Variants in TGIF1 observed in about 807,000 individuals in gnomAD.
TGIF1 encodes TGFB induced factor homeobox 1, also known as homeobox protein TGIF1.
In TGIF1, 4 loss-of-function variants were observed where a neutral mutation model predicts 19.3. The observed-to-expected ratio is 0.21, with a 90% confidence interval of 0.10 to 0.47. The LOEUF is 0.47. Among genes scored for constraint, TGIF1 ranks in the 20% least tolerant of loss-of-function variants. The pLI is 0.98. For synonymous variants in TGIF1, 122 were observed against 129.3 expected, an observed-to-expected ratio of 0.94 and a Z score of 0.38; for missense variants, 275 against 341.4, an observed-to-expected ratio of 0.81 and a Z score of 1.53.
chr18:3,453,803 G>C (rs897084785), intron 1 of TGIF1: 2 of 985,040 alleles, frequency 2.0e-6, no homozygotes, highest in Non-Finnish European at 2.4e-6. Flanking sequence ...TGGATAGCGT[G>C]AAAGAAGCTT....
At position 3,459,681 on chromosome 18, in the gene TGIF1, C is replaced by G. The variant is rs574344173; in HGVS notation, c.*1741C>G. On this transcript the variant is annotated 3_prime_UTR_variant, in exon 3 of 3. Coordinates refer to ENST00000343820, the MANE Select transcript of TGIF1 (RefSeq NM_003244.4). ...AAGTCCTAAAAGGTTTGCCCTGTTA[C>G]GGTGTTTCATCACTCATACTGGAAG... 2.6e-5 allele frequency: 4 copies of G among 152,150 alleles called. No individual in the cohort carries two copies. The highest frequency in any genetic ancestry group is 9.7e-5 in the African/African-American group (4 of 41,414). The allele number at this position is 152,150 out of a possible 1,614,324, so 9.4% of individuals were successfully genotyped here.
At chr18:3,455,653 G>A (rs2083143101) in intron 1 of TGIF1, 1 of 152,664 alleles carries the variant, frequency 6.6e-6, no homozygotes, top group South Asian at 2.1e-4. Context: ...GAAAACATCA[G>A]TGGTCGTATT....
At chr18:3,440,313 C>T (rs982450457) in intron 2 of TGIF1, among the ~76,000 whole-genome samples, 2 of 151,502 alleles carry the variant, frequency 1.3e-5, no homozygotes, top group African/African-American at 4.9e-5. Flanking sequence ...TATCGTGCCA[C>T]TGCACTCCAA....
At chr18:3,415,747 G>A (rs1598849812) in intron 1 of TGIF1, among the ~76,000 whole-genome samples, 1 of 152,350 alleles carries the variant, frequency 6.6e-6, no homozygotes, top group Middle Eastern at 3.4e-3. Context: ...TGGGGGGCAA[G>A]TTTGGCAGTG....
At chr18:3,418,976 T>G (rs981639031) in intron 2 of TGIF1, 1 of 152,214 alleles carries the variant, frequency 6.6e-6, no homozygotes, top group African/African-American at 2.4e-5. Flanking sequence ...GAGAATCTCT[T>G]GAACCTGGGA....
At chr18:3,446,243 G>A (rs1203449194), upstream of TGIF1, among the ~76,000 whole-genome samples, 1 of 152,150 alleles carries the variant, frequency 6.6e-6, no homozygotes, top group East Asian at 1.9e-4. Context: ...GAGTGCAATG[G>A]CACGATCTCA....
intron 2 of TGIF1, among the ~76,000 whole-genome samples, chr18:3,438,977 T>C (rs2082649747): frequency 6.6e-6 from 1 of 152,074 alleles, no homozygotes; most frequent in Non-Finnish European, 1.5e-5. Context: ...AAAAAGACAA[T>C]AGAGCATAAT....
chr18:3,416,509 C>A (rs1230698555), intron 1 of TGIF1, among the ~76,000 whole-genome samples: 2 of 151,388 alleles, frequency 1.3e-5, no homozygotes, highest in Admixed American at 6.6e-5. Flanking sequence ...GAGCAAGATT[C>A]TGTCTCAAAA....
chr18:3,456,124 A>G lies in TGIF1; in HGVS notation c.17-230A>G. ...AATGTGAGAAGTTAATGAATCCTAG[A>G]GGAAAGCGGCTGAGAAAAGGCATCT... On this transcript the variant is annotated intron_variant, in intron 1 of 2. Coordinates refer to ENST00000343820, the MANE Select transcript of TGIF1 (RefSeq NM_003244.4). The surrounding 1 kb of genome is among the most constrained non-coding windows in gnomAD (Gnocchi z 4.2). The G allele has an allele frequency of 1.7e-6, 1 of 601,476 alleles. No individual in the cohort carries two copies. The highest frequency in any genetic ancestry group is 1.8e-5 in the African/African-American group (1 of 54,390). 37.3% of individuals were successfully genotyped at this position (601,476 alleles called of 1,614,324 possible). A position where few individuals can be genotyped will look rare whatever the true frequency, so the allele number is the denominator to read the frequency against.
At chr18:3,448,713 G>GT, upstream of TGIF1, 1 of 689,034 alleles carries the variant, frequency 1.5e-6, no homozygotes, top group Non-Finnish European at 1.7e-6. Flanking sequence ...AGGGGCGGGG[G>GT]TGTCTTTTTT....
chr18:3,453,724 A>G, intron 1 of TGIF1: 5 of 718,038 alleles, frequency 7.0e-6, no homozygotes, highest in Non-Finnish European at 8.5e-6. Context: ...TGCAGGAACA[A>G]GGTCGCTGCT....
chr18:3,452,024 G>T (rs1177783169), intron 1 of TGIF1: 4 of 1,610,566 alleles, frequency 2.5e-6, no homozygotes, highest in East Asian at 4.5e-5. Context: ...TGGGCTCCCC[G>T]CATTGTTCGG....
At chr18:3,420,155 A>G (rs1261546502) in intron 2 of TGIF1, among the ~76,000 whole-genome samples, 5 of 152,158 alleles carry the variant, frequency 3.3e-5, no homozygotes, top group East Asian at 1.9e-4. Context: ...AGGTGGGTGG[A>G]TCACTTGAGG....
Position 3,459,869 on chromosome 18 carries a change from T to A in TGIF1, c.*1929T>A, listed in dbSNP as rs1235003715. On this transcript the variant is annotated 3_prime_UTR_variant, in exon 3 of 3. Transcript: ENST00000343820. Reference sequence around the variant, plus strand: ...ATCCATTATTTAAAAACAGGTACATTTAAGTGAAAAGATAAATGTAAAAAG... The same window carrying A: ...ATCCATTATTTAAAAACAGGTACATATAAGTGAAAAGATAAATGTAAAAAG... 2 of 152,224 alleles carry A rather than the reference T, an allele frequency of 1.3e-5. No individual in the cohort carries two copies. Among genetic ancestry groups the A allele is most frequent in the Non-Finnish European group, 2.9e-5 (2 of 68,042 alleles). 9.4% of individuals were successfully genotyped at this position (152,224 alleles called of 1,614,324 possible).
chr18:3,447,336 C>CT (rs1401261478), upstream of TGIF1, among the ~76,000 whole-genome samples: 165 of 119,296 alleles, frequency 1.4e-3, no homozygotes, highest in African/African-American at 5.4e-3. Flanking sequence ...AATCTATATA[C>CT]TTTAAAAAAA....
chr18:3,428,643 G>A (rs186589346), intron 2 of TGIF1, among the ~76,000 whole-genome samples: 49 of 152,036 alleles, frequency 3.2e-4, no homozygotes, highest in Admixed American at 9.2e-4. Flanking sequence ...AGGCTGAGGC[G>A]GGAGAATCAC....
chr18:3,456,773 A>G lies in TGIF1; in HGVS notation c.243+193A>G, dbSNP rs1047185827. ...ACACAGAAACACTTGACAGTCATCT[A>G]TCAGATAGCATTTCCTTTAATGCCT... is the stretch of plus-strand genomic sequence containing the variant. On this transcript the variant is annotated intron_variant, in intron 2 of 2. Coordinates refer to ENST00000343820, the MANE Select transcript of TGIF1 (RefSeq NM_003244.4). This position sits in a 1 kb window ranked among gnomAD's most constrained non-coding sequence, Gnocchi z 4.2. The G allele has an allele frequency of 7.3e-6, 5 of 688,612 alleles. No homozygotes were observed. The highest frequency in any genetic ancestry group is 7.1e-5 in the African/African-American group (4 of 56,250). 42.7% of individuals were successfully genotyped at this position (688,612 alleles called of 1,614,324 possible). A position where few individuals can be genotyped will look rare whatever the true frequency, so the allele number is the denominator to read the frequency against.
At chr18:3,432,532 T>A (rs10853299) in intron 2 of TGIF1, among the ~76,000 whole-genome samples, 78,981 of 151,968 alleles carry the variant, frequency 0.52, 21,932 homozygotes, top group East Asian at 0.91. Context: ...TAAGAGAATG[T>A]CCTTGTTCTC....
upstream of TGIF1, chr18:3,447,902 C>T: frequency 6.6e-7 from 1 of 1,524,222 alleles, no homozygotes; most frequent in Non-Finnish European, 9.1e-7. Flanking sequence ...AAGCTATAAA[C>T]CCTTTCCAAT....
Sources: allele counts gnomAD v4.1 joint callset (sites outside exome capture counted in the v4.1 genomes callset), GRCh38; gene constraint gnomAD v4.1.1; non-coding constraint Gnocchi (gnomAD v3.1); transcripts MANE v1.5; gene names NCBI Gene and HGNC (gene_info 2026-07-23, HGNC 2026-07-21).